The following SPAG16 variants were observed in gnomAD, a reference collection of about 807,000 sequenced individuals.
The protein encoded by SPAG16 is sperm associated antigen 16.
Under a neutral mutation model 80.4 loss-of-function variants are expected in SPAG16, and 86 were observed. The observed-to-expected ratio is 1.07, with a 90% CI of 0.90 to 1.28. The LOEUF (loss-of-function observed/expected upper bound fraction) is 1.28, where lower values mean the gene tolerates loss of function less well. SPAG16 is among the 50% of genes most tolerant of loss of function. SPAG16 has a pLI of 0.00. For synonymous variants in SPAG16, 294 were observed against 265.9 expected, an observed-to-expected ratio of 1.11 and a Z score of -1.03; for missense variants, 870 against 765.3, an observed-to-expected ratio of 1.14 and a Z score of -1.61.
intron 15 of SPAG16, among the ~76,000 whole-genome samples, chr2:214,248,327 T>TATTATTATTATC (rs1553537518): frequency 7.6e-6 from 1 of 131,304 alleles, no homozygotes; most frequent in East Asian, 2.2e-4. Context: ...TTATTATTAT[T>TATTATTATTATC]ATTATTATTG....
intron 10 of SPAG16, among the ~76,000 whole-genome samples, chr2:213,616,183 G>A (rs956256619): frequency 3.3e-5 from 5 of 152,196 alleles, no homozygotes; most frequent in African/African-American, 1.2e-4. Flanking sequence ...AGCCCTCTGT[G>A]CCATTTTTCT....
chr2:213,864,749 A>C (rs2075619425), intron 11 of SPAG16, among the ~76,000 whole-genome samples: 1 of 152,134 alleles, frequency 6.6e-6, no homozygotes, highest in Non-Finnish European at 1.5e-5. Context: ...TGCAATGATG[A>C]CATATCCAAA....
intron 9 of SPAG16, among the ~76,000 whole-genome samples, chr2:213,470,207 A>C (rs1468833183): frequency 6.6e-6 from 1 of 152,186 alleles, no homozygotes; most frequent in East Asian, 1.9e-4. Flanking sequence ...GTGACTTCAA[A>C]AGGCCATTGC....
chr2:213,802,395 CTCTATCTATCTATCTATCTA>C (rs58879510), intron 10 of SPAG16, among the ~76,000 whole-genome samples: 6,569 of 148,104 alleles, frequency 0.044, 156 homozygotes, highest in East Asian at 0.08. Flanking sequence ...TGATTCATGT[CTCTATCTATCTATCTATCTA>C]TCTATCTATC....
At chr2:213,830,633 T>C (rs1468521161) in intron 10 of SPAG16, among the ~76,000 whole-genome samples, 6 of 152,188 alleles carry the variant, frequency 3.9e-5, no homozygotes, top group African/African-American at 1.4e-4. Context: ...ATGTAAAATG[T>C]GTAATTCATT....
intron 10 of SPAG16, among the ~76,000 whole-genome samples, chr2:213,726,053 A>G (rs948920022): frequency 2.6e-5 from 4 of 152,222 alleles, no homozygotes; most frequent in Admixed American, 2.6e-4. Context: ...TTACTCCTAC[A>G]GTGCATGCCA....
intron 10 of SPAG16, among the ~76,000 whole-genome samples, chr2:213,580,822 A>C (rs185062783): frequency 6.6e-6 from 1 of 152,106 alleles, no homozygotes; most frequent in African/African-American, 2.4e-5. Flanking sequence ...ATACAAATTT[A>C]TAGGTACTTC....
intron 7 of SPAG16, among the ~76,000 whole-genome samples, chr2:213,351,419 G>T (rs550575691): frequency 6.6e-6 from 1 of 152,098 alleles, no homozygotes; most frequent in Admixed American, 6.6e-5. Context: ...CTCCCTCATA[G>T]GTACTGACTC....
intron 15 of SPAG16, among the ~76,000 whole-genome samples, chr2:214,279,912 A>C (rs1692783889): frequency 6.6e-6 from 1 of 152,236 alleles, no homozygotes; most frequent in South Asian, 2.1e-4. Flanking sequence ...AGAAATAAAA[A>C]AGTATTTTGA....
At chr2:214,219,294 A>C (rs1338996965) in intron 15 of SPAG16, among the ~76,000 whole-genome samples, 1 of 152,116 alleles carries the variant, frequency 6.6e-6, no homozygotes, top group Non-Finnish European at 1.5e-5. Flanking sequence ...TTTAGGAGAA[A>C]CTGAAAAGTA....
intron 15 of SPAG16, among the ~76,000 whole-genome samples, chr2:214,262,399 G>A (rs892533481): frequency 7.3e-5 from 11 of 151,672 alleles, no homozygotes; most frequent in African/African-American, 2.4e-5. Context: ...ATTTTTTAAC[G>A]TAAAAAAAGA....
At chr2:213,751,415 G>A (rs779040445) in intron 10 of SPAG16, among the ~76,000 whole-genome samples, 27 of 152,098 alleles carry the variant, frequency 1.8e-4, no homozygotes, top group African/African-American at 4.3e-4. Flanking sequence ...CCCTTCACAC[G>A]TGTTTTCTTT....
intron 15 of SPAG16, among the ~76,000 whole-genome samples, chr2:214,279,355 G>A (rs2125910584): frequency 6.6e-6 from 1 of 152,134 alleles, no homozygotes; most frequent in South Asian, 2.1e-4. Flanking sequence ...TCAACCTCTT[G>A]AGAAACAAGC....
chr2:213,630,166 A>G (rs904904968), intron 10 of SPAG16, among the ~76,000 whole-genome samples: 3 of 152,044 alleles, frequency 2.0e-5, no homozygotes, highest in Non-Finnish European at 2.9e-5. Context: ...GGTGGATCAC[A>G]TCAGGTCAGG....
intron 15 of SPAG16, among the ~76,000 whole-genome samples, chr2:214,300,510 T>A (rs1694471058): frequency 1.3e-5 from 2 of 152,086 alleles, no homozygotes; most frequent in East Asian, 3.9e-4. Flanking sequence ...TTTTACAAAT[T>A]TTTTTAAAGA....
intron 15 of SPAG16, among the ~76,000 whole-genome samples, chr2:214,185,151 G>C (rs9288489): frequency 1.3e-5 from 2 of 151,914 alleles, no homozygotes; most frequent in Non-Finnish European, 2.9e-5. Flanking sequence ...AAAAGTGCTC[G>C]TTCTAGAGGC....
chr2:213,915,089 G>A (rs1056025871), intron 11 of SPAG16, among the ~76,000 whole-genome samples: 1 of 151,786 alleles, frequency 6.6e-6, no homozygotes, highest in Non-Finnish European at 1.5e-5. Flanking sequence ...CTTACATGGT[G>A]GAGGCCAAGA....
chr2:214,132,496 G>A (rs866442781), intron 14 of SPAG16, among the ~76,000 whole-genome samples: 3 of 152,114 alleles, frequency 2.0e-5, no homozygotes, highest in South Asian at 4.1e-4. Context: ...ATGAAAAGAC[G>A]GGCATGTATA....
intron 3 of SPAG16, among the ~76,000 whole-genome samples, chr2:213,303,122 A>G (rs1020801633): frequency 2.0e-5 from 3 of 152,116 alleles, no homozygotes; most frequent in African/African-American, 7.2e-5. Flanking sequence ...GCTAGTAACC[A>G]GCACACTGCA....
Sources: allele counts gnomAD v4.1 joint callset (sites outside exome capture counted in the v4.1 genomes callset), GRCh38; gene constraint gnomAD v4.1.1; transcripts MANE v1.5; gene names NCBI Gene and HGNC (gene_info 2026-07-23, HGNC 2026-07-21).